The following DPYD variants were observed in gnomAD, a reference collection of about 807,000 sequenced individuals.
DPYD encodes dihydropyrimidine dehydrogenase [NADP(+)].
A neutral mutation model predicts 116.2 loss-of-function variants in DPYD; 109 were observed. The ratio of observed to expected loss-of-function variants is 0.94; its 90% CI spans 0.80 to 1.10. DPYD has a LOEUF of 1.10. Among genes scored for constraint, DPYD ranks in the 50% least tolerant of loss-of-function variants. DPYD has a pLI of 0.00. For missense variants in DPYD, 1,302 were observed against 1,254.5 expected, an observed-to-expected ratio of 1.04 and a Z score of -0.57; for synonymous variants, 440 against 432.0, an observed-to-expected ratio of 1.02 and a Z score of -0.23.
intron 7 of DPYD, among the ~76,000 whole-genome samples, chr1:97,684,023 G>A (rs1281873706): frequency 6.6e-6 from 1 of 152,042 alleles, no homozygotes; most frequent in Non-Finnish European, 1.5e-5. Context: ...AGATTTTACA[G>A]CAAATAACAA....
At chr1:97,512,600 T>C (rs1557763580) in intron 13 of DPYD, among the ~76,000 whole-genome samples, 1 of 151,926 alleles carries the variant, frequency 6.6e-6, no homozygotes. Context: ...CAAAATGTTT[T>C]TATCTACTTC....
chr1:97,300,618 G>A (rs1305030034), intron 18 of DPYD, among the ~76,000 whole-genome samples: 1 of 152,022 alleles, frequency 6.6e-6, no homozygotes, highest in Non-Finnish European at 1.5e-5. Context: ...AAACTTCTGA[G>A]TTTGTAATCT....
chr1:97,642,684 G>C (rs1657999693), intron 8 of DPYD, among the ~76,000 whole-genome samples: 1 of 132,462 alleles, frequency 7.5e-6, no homozygotes, highest in South Asian at 2.4e-4. Flanking sequence ...TGAACAATGA[G>C]AACACATGGA....
At chr1:97,904,819 G>C (rs12077442) in intron 1 of DPYD, among the ~76,000 whole-genome samples, 29,935 of 151,796 alleles carry the variant, frequency 0.2, 3,208 homozygotes, top group South Asian at 0.23. Flanking sequence ...CATAATAGGG[G>C]TATGTTCCAA....
intron 14 of DPYD, among the ~76,000 whole-genome samples, chr1:97,428,672 T>A (rs1162723613): frequency 6.6e-6 from 1 of 152,036 alleles, no homozygotes; most frequent in Non-Finnish European, 1.5e-5. Flanking sequence ...CAAAATCTAC[T>A]TCAGATTTTT....
chr1:97,160,025 A>G (rs897861578), intron 20 of DPYD, among the ~76,000 whole-genome samples: 1 of 151,970 alleles, frequency 6.6e-6, no homozygotes, highest in African/African-American at 2.4e-5. Flanking sequence ...TACTATTATC[A>G]TTAGGATACA....
chr1:97,668,461 TTATTA>T (rs1659681769), intron 8 of DPYD, among the ~76,000 whole-genome samples: 1 of 152,164 alleles, frequency 6.6e-6, no homozygotes, highest in Non-Finnish European at 1.5e-5. Context: ...GCTATTCTAT[TTATTA>T]TATTTATATG....
intron 13 of DPYD, among the ~76,000 whole-genome samples, chr1:97,452,043 T>G (rs1397048296): frequency 6.6e-6 from 1 of 152,134 alleles, no homozygotes; most frequent in Non-Finnish European, 1.5e-5. Flanking sequence ...TTGATGACCA[T>G]TTTTTAATTC....
At chr1:97,315,578 T>C (rs1314821099) in intron 16 of DPYD, among the ~76,000 whole-genome samples, 2 of 151,972 alleles carry the variant, frequency 1.3e-5, no homozygotes, top group Admixed American at 1.3e-4. Flanking sequence ...TCTCTACTTG[T>C]ATGAAGAATT....
At chr1:97,163,837 G>T (rs1656109063) in intron 20 of DPYD, among the ~76,000 whole-genome samples, 2 of 152,104 alleles carry the variant, frequency 1.3e-5, no homozygotes, top group Non-Finnish European at 2.9e-5. Context: ...TTTTACAGGG[G>T]ATGTGGTCAT....
chr1:97,815,444 A>G (rs551757418), intron 3 of DPYD, among the ~76,000 whole-genome samples: 1 of 152,346 alleles, frequency 6.6e-6, no homozygotes, highest in South Asian at 2.1e-4. Context: ...GGAGTGGCCA[A>G]TGAAGCAGGG....
At chr1:97,857,127 C>T (rs1442127108) in intron 2 of DPYD, among the ~76,000 whole-genome samples, 1 of 152,122 alleles carries the variant, frequency 6.6e-6, no homozygotes. Context: ...AATACCAGCA[C>T]TGGATTTTGT....
chr1:97,524,812 C>T (rs1011170484), intron 12 of DPYD, among the ~76,000 whole-genome samples: 1 of 152,156 alleles, frequency 6.6e-6, no homozygotes, highest in Non-Finnish European at 1.5e-5. Context: ...CAGACCTCTC[C>T]TCTGATTAGA....
chr1:97,388,264 T>C (rs1672474519), intron 14 of DPYD, among the ~76,000 whole-genome samples: 1 of 152,142 alleles, frequency 6.6e-6, no homozygotes, highest in Non-Finnish European at 1.5e-5. Flanking sequence ...ATATTTTATA[T>C]TTAGTATGTC....
intron 3 of DPYD, among the ~76,000 whole-genome samples, chr1:97,767,089 C>T (rs972687028): frequency 1.1e-4 from 17 of 152,132 alleles, no homozygotes; most frequent in Non-Finnish European, 2.5e-4. Flanking sequence ...TACTACTGAT[C>T]GGTGATTGCT....
At chr1:97,141,660 T>C (rs1400611431) in intron 20 of DPYD, among the ~76,000 whole-genome samples, 2 of 152,124 alleles carry the variant, frequency 1.3e-5, no homozygotes, top group East Asian at 1.9e-4. Context: ...ATCTTTACTG[T>C]TTGTTCATTT....
intron 2 of DPYD, among the ~76,000 whole-genome samples, chr1:97,869,738 A>G (rs895581425): frequency 2.0e-5 from 3 of 151,738 alleles, no homozygotes; most frequent in Non-Finnish European, 4.4e-5. Context: ...CCCACAATTT[A>G]TCACCCCTAG....
intron 5 of DPYD, among the ~76,000 whole-genome samples, chr1:97,709,131 T>C (rs1662145347): frequency 6.6e-6 from 1 of 151,948 alleles, no homozygotes. Flanking sequence ...TTTCTTGTCT[T>C]ATAAATTGCA....
intron 19 of DPYD, among the ~76,000 whole-genome samples, chr1:97,203,622 T>TAATAAAAAA: frequency 1.3e-5 from 1 of 76,524 alleles, no homozygotes; most frequent in Admixed American, 1.6e-4. Context: ...ACTTAAAGTA[T>TAATAAAAAA]AATAAAAAAA....
Sources: allele counts gnomAD v4.1 joint callset (sites outside exome capture counted in the v4.1 genomes callset), GRCh38; gene constraint gnomAD v4.1.1; transcripts MANE v1.5; gene names NCBI Gene and HGNC (gene_info 2026-07-23, HGNC 2026-07-21).